Variants in SNX13 observed in about 807,000 individuals in gnomAD.
SNX13 encodes the protein sorting nexin 13, also known as sorting nexin-13.
In SNX13, 45 loss-of-function variants were observed where a neutral mutation model predicts 133.6. The observed-to-expected ratio is 0.34, with a 90% CI of 0.27 to 0.43. The LOEUF is 0.43. Ranked by LOEUF, SNX13 falls within the 20% of genes least tolerant of loss-of-function variation. The pLI is 1.00. For synonymous variants in SNX13, 414 were observed against 373.9 expected (o/e 1.11, Z -1.24); for missense variants, 1,032 against 1,145.1 (o/e 0.90, Z 1.43).
chr7:17,832,112 G>A (rs1788559373), intron 15 of SNX13: 2 of 983,696 alleles, frequency 2.0e-6, no homozygotes, highest in Admixed American at 1.2e-4. Flanking sequence ...ATTCAAATGT[G>A]AGGGGTTACT....
chr7:17,936,546 GC>G (rs2128054215), intron 1 of SNX13, among the ~76,000 whole-genome samples: 1 of 152,226 alleles, frequency 6.6e-6, no homozygotes, highest in African/African-American at 2.4e-5. Context: ...TGGTTTCCAT[GC>G]AAAAACAACC....
In SNX13 at chr7:17,940,452, G is replaced by C. The variant is rs778164144; in HGVS notation, c.-157C>G. The stretch of plus-strand genomic sequence containing the variant: ...TACTCGGCTTCGCTGGCCTCCCCTC[G>C]GCCCGGTCGCTCGCGACGGACGCGC... On this transcript the variant is annotated 5_prime_UTR_variant, in exon 1 of 26. Coordinates refer to ENST00000428135, the MANE Select transcript of SNX13 (RefSeq NM_015132.5). 1.6e-5 allele frequency: 13 copies of C among 815,286 alleles called. 1 individual carries two copies. Among genetic ancestry groups the C allele is most frequent in the South Asian group, 1.4e-4 (10 of 69,732 alleles). The allele number at this position is 815,286 out of a possible 1,614,324, so 50.5% of individuals were successfully genotyped here.
At chr7:17,835,358 T>C (rs1051440661) in intron 13 of SNX13, among the ~76,000 whole-genome samples, 2 of 151,928 alleles carry the variant, frequency 1.3e-5, no homozygotes, top group African/African-American at 2.4e-5. Flanking sequence ...ACCTTTTGAA[T>C]GTCCTTTAAA....
At chr7:17,912,396 T>C (rs537506133) in intron 1 of SNX13, among the ~76,000 whole-genome samples, 7 of 147,880 alleles carry the variant, frequency 4.7e-5, no homozygotes, top group Non-Finnish European at 7.4e-5. Context: ...TTCCCAGGCA[T>C]GGGAATAAGA....
At chr7:17,827,245 C>T (rs1478555962) in intron 16 of SNX13, among the ~76,000 whole-genome samples, 4 of 152,016 alleles carry the variant, frequency 2.6e-5, no homozygotes, top group Non-Finnish European at 5.9e-5. Flanking sequence ...TAGCAAATCA[C>T]TGAGCCTGGG....
At chr7:17,888,540 C>G in intron 5 of SNX13, 1 of 345,956 alleles carries the variant, frequency 2.9e-6, no homozygotes. Context: ...CACTAGATAA[C>G]ATTAGACTAA....
At chr7:17,843,972 T>C (rs1422379930) in intron 12 of SNX13, among the ~76,000 whole-genome samples, 1 of 151,830 alleles carries the variant, frequency 6.6e-6, no homozygotes, top group Non-Finnish European at 1.5e-5. Context: ...TCTCAAATCA[T>C]CTTTCCTTAT....
intron 1 of SNX13, among the ~76,000 whole-genome samples, chr7:17,904,858 A>C (rs1044157983): frequency 6.6e-6 from 1 of 152,198 alleles, no homozygotes; most frequent in African/African-American, 2.4e-5. Context: ...TTCTCCAGGT[A>C]ATTTCAATAA....
At chr7:17,927,825 T>C (rs73069230) in intron 1 of SNX13, among the ~76,000 whole-genome samples, 21,295 of 152,126 alleles carry the variant, frequency 0.14, 1,791 homozygotes, top group East Asian at 0.28. Flanking sequence ...TCACCTTCAA[T>C]TCCTTTAACT....
chr7:17,851,107 G>A, intron 9 of SNX13, 143 bp from the exon 10 acceptor site: 1 of 768,798 alleles, frequency 1.3e-6, no homozygotes. Flanking sequence ...CTATATTTGG[G>A]CACCTATTTT....
At chr7:17,890,639 A>G (rs1026271996) in intron 4 of SNX13, among the ~76,000 whole-genome samples, 155 bp from the exon 5 acceptor site, 1 of 152,018 alleles carries the variant, frequency 6.6e-6, no homozygotes, top group African/African-American at 2.4e-5. Context: ...CAAAAACATC[A>G]ACATACTAAA....
At chr7:17,888,626 C>G in intron 5 of SNX13, 1 of 464,534 alleles carries the variant, frequency 2.2e-6, no homozygotes, top group South Asian at 1.6e-5. Context: ...ACTTAAATTT[C>G]TAAATTCCTT....
intron 10 of SNX13, 132 bp from the exon 11 acceptor site, chr7:17,850,567 G>A (rs1791087140): frequency 1.5e-6 from 1 of 647,872 alleles, no homozygotes; most frequent in Non-Finnish European, 2.4e-6. Flanking sequence ...GAAACCATCT[G>A]AAATTATACA....
intron 24 of SNX13, among the ~76,000 whole-genome samples, chr7:17,797,771 G>A (rs1784217400): frequency 1.3e-5 from 2 of 151,772 alleles, no homozygotes; most frequent in African/African-American, 2.4e-5. Flanking sequence ...TACCTACCCT[G>A]AAATAAAATG....
intron 17 of SNX13, among the ~76,000 whole-genome samples, chr7:17,822,483 T>G (rs1001845578): frequency 1.3e-5 from 2 of 152,178 alleles, no homozygotes; most frequent in Non-Finnish European, 2.9e-5. Flanking sequence ...TTTTTTGATC[T>G]CTAGAGTTTT....
At chr7:17,940,245 C>G (rs1199616923) in intron 1 of SNX13, 39 bp downstream of exon 1, 1 of 1,553,894 alleles carries the variant, frequency 6.4e-7, no homozygotes, top group South Asian at 1.2e-5. Flanking sequence ...GGCCCCTTCC[C>G]CATTTCACAG....
intron 13 of SNX13, among the ~76,000 whole-genome samples, chr7:17,839,187 T>C (rs1383739190): frequency 6.7e-6 from 1 of 149,326 alleles, no homozygotes. Flanking sequence ...CTATAGATTA[T>C]ATATATTCTA....
chr7:17,830,225 G>T (rs1328171816), intron 15 of SNX13, 178 bp from the exon 16 acceptor site: 1 of 980,740 alleles, frequency 1.0e-6, no homozygotes, highest in Admixed American at 6.3e-5. Flanking sequence ...AAAGTCCCAT[G>T]GTTTTCTAAG....
intron 15 of SNX13, chr7:17,831,213 C>A (rs1788446027): frequency 1.0e-6 from 1 of 984,104 alleles, no homozygotes. Flanking sequence ...TAAAATCAAT[C>A]TTGGTCGACA....
Sources: allele counts gnomAD v4.1 joint callset (sites outside exome capture counted in the v4.1 genomes callset), GRCh38; gene constraint gnomAD v4.1.1; transcripts MANE v1.5; gene names NCBI Gene and HGNC (gene_info 2026-07-23, HGNC 2026-07-21).